The following NELL1 variants were observed in gnomAD, a reference collection of about 807,000 sequenced individuals.
NELL1 encodes neural EGFL like 1.
A neutral mutation model predicts 107.4 loss-of-function variants in NELL1; 76 were observed. The ratio of observed to expected loss-of-function variants is 0.71; its 90% CI spans 0.59 to 0.86. The LOEUF is 0.86. Ranked by LOEUF, NELL1 falls within the 40% of genes least tolerant of loss-of-function variation. The probability of loss-of-function intolerance (pLI) is 0.00; values close to 1 mark genes in which losing one functional copy is unlikely to be tolerated. For missense variants in NELL1, 1,024 were observed against 1,005.5 expected (o/e 1.02, Z -0.25); for synonymous variants, 353 against 341.2 (o/e 1.03, Z -0.38).
At chr11:21,430,101 A>T (rs1023424077) in intron 15 of NELL1, among the ~76,000 whole-genome samples, 3 of 152,172 alleles carry the variant, frequency 2.0e-5, no homozygotes, top group African/African-American at 7.2e-5. Context: ...AATAATGTGA[A>T]TCCATAAGCA....
rs35632941 is a variant in NELL1, at chr11:21,282,478, C to CAAA, written c.1549+53042_1549+53044dup. Among the ~76,000 whole-genome samples the CAAA allele has an allele frequency of 9.4e-5, 7 of 74,416 alleles. No individual in the cohort carries two copies. The East Asian group carries it at 1.3e-3, about 14-fold the overall frequency. 48.8% of individuals were successfully genotyped at this position (74,416 alleles called of 152,430 possible). ...GGGGCAACACAGTGAGACTCTGTCTCAAAAAAAAAAAAAAAAAAAAGGCTT... is the reference window on the plus strand; with the variant it reads ...GGGGCAACACAGTGAGACTCTGTCTCAAAAAAAAAAAAAAAAAAAAAAAGGCTT... On this transcript the variant is annotated intron_variant, in intron 14 of 19. Transcript: ENST00000357134.
At chr11:21,567,019 T>C (rs1355682129) in intron 17 of NELL1, among the ~76,000 whole-genome samples, 2 of 151,822 alleles carry the variant, frequency 1.3e-5, no homozygotes, top group Non-Finnish European at 1.5e-5. Context: ...AATCAGCACA[T>C]AGGAAGAAAA....
At chr11:20,915,328 T>G (rs984999730) in intron 5 of NELL1, among the ~76,000 whole-genome samples, 3 of 151,862 alleles carry the variant, frequency 2.0e-5, no homozygotes, top group African/African-American at 7.2e-5. Flanking sequence ...TTCATCAGAA[T>G]CATCTGGAAG....
intron 12 of NELL1, among the ~76,000 whole-genome samples, chr11:21,063,376 A>G (rs1465762985): frequency 6.6e-6 from 1 of 152,082 alleles, no homozygotes; most frequent in African/African-American, 2.4e-5. Flanking sequence ...GGTTGATTGA[A>G]TCACTGACCA....
intron 2 of NELL1, among the ~76,000 whole-genome samples, chr11:20,761,360 C>A (rs1856416355): frequency 6.6e-6 from 1 of 152,186 alleles, no homozygotes. Flanking sequence ...GGAGCACCTG[C>A]ACTACCTGGG....
chr11:21,059,447 C>A (rs1166414145), intron 12 of NELL1, among the ~76,000 whole-genome samples: 1 of 151,964 alleles, frequency 6.6e-6, no homozygotes, highest in Non-Finnish European at 1.5e-5. Context: ...ACCCTTACTC[C>A]CCAAGAAGAA....
chr11:21,470,159 T>C (rs888754690), intron 15 of NELL1, among the ~76,000 whole-genome samples: 2 of 152,078 alleles, frequency 1.3e-5, no homozygotes, highest in Admixed American at 1.3e-4. Context: ...GAGGTAAAGA[T>C]ATATGCAGAA....
intron 2 of NELL1, among the ~76,000 whole-genome samples, chr11:20,754,330 T>C (rs763886144): frequency 1.3e-5 from 2 of 152,226 alleles, no homozygotes; most frequent in East Asian, 1.9e-4. Flanking sequence ...GGCAGATTTA[T>C]AGTTTACTGA....
intron 13 of NELL1, among the ~76,000 whole-genome samples, chr11:21,214,226 AG>A (rs1291177434): frequency 6.6e-6 from 1 of 152,194 alleles, no homozygotes; most frequent in African/African-American, 2.4e-5. Flanking sequence ...GAAATGCTCC[AG>A]GGAGCATACT....
chr11:21,314,816 T>C (rs113556645), intron 14 of NELL1, among the ~76,000 whole-genome samples: 178 of 152,200 alleles, frequency 1.2e-3, no homozygotes, highest in African/African-American at 3.9e-3. Context: ...GATTATTGGC[T>C]GATGGCTCGA....
intron 14 of NELL1, among the ~76,000 whole-genome samples, chr11:21,289,916 G>A (rs1226430617): frequency 6.6e-6 from 1 of 152,062 alleles, no homozygotes; most frequent in Non-Finnish European, 1.5e-5. Context: ...GCTCCGAAAA[G>A]CCACTTAGCC....
At chr11:20,819,271 G>T (rs921800993) in intron 3 of NELL1, among the ~76,000 whole-genome samples, 3 of 152,166 alleles carry the variant, frequency 2.0e-5, no homozygotes, top group African/African-American at 7.2e-5. Context: ...CAGAGTCTTG[G>T]ACCCCTGAAC....
intron 5 of NELL1, 86 bp downstream of exon 5, chr11:20,885,626 T>C (rs1409575064): frequency 1.2e-6 from 1 of 836,330 alleles, no homozygotes; most frequent in African/African-American, 1.7e-5. Flanking sequence ...TGTTTATAAT[T>C]ACATTAGTGG....
chr11:20,681,097 TA>T (rs1565304360), intron 2 of NELL1, among the ~76,000 whole-genome samples: 1 of 152,120 alleles, frequency 6.6e-6, no homozygotes, highest in Non-Finnish European at 1.5e-5. Context: ...AAAAGTTGTT[TA>T]ACCACAACGT....
intron 3 of NELL1, among the ~76,000 whole-genome samples, chr11:20,826,238 A>T (rs1219092946): frequency 6.6e-6 from 1 of 151,294 alleles, no homozygotes; most frequent in Admixed American, 6.6e-5. Flanking sequence ...AGTTTATGTG[A>T]CAACTTTACA....
At chr11:20,795,744 T>C (rs926772626) in intron 3 of NELL1, among the ~76,000 whole-genome samples, 34 of 152,180 alleles carry the variant, frequency 2.2e-4, no homozygotes, top group African/African-American at 6.8e-4. Flanking sequence ...TCTGAGGAGA[T>C]GAAGAAGACA....
At chr11:20,670,739 G>C (rs76566233) in intron 1 of NELL1, 4,136 of 152,384 alleles carry the variant, frequency 0.027, 184 homozygotes, top group African/African-American at 0.093. Context: ...CTGTCAACTG[G>C]GGGGAGTGTC....
chr11:21,476,758 G>C (rs1242610838), intron 15 of NELL1, among the ~76,000 whole-genome samples: 1 of 152,078 alleles, frequency 6.6e-6, no homozygotes, highest in Non-Finnish European at 1.5e-5. Flanking sequence ...AGGTGGTAGC[G>C]GCATAGTGCA....
chr11:21,192,061 T>C (rs2133836913), intron 13 of NELL1, among the ~76,000 whole-genome samples: 1 of 152,034 alleles, frequency 6.6e-6, no homozygotes, highest in South Asian at 2.1e-4. Flanking sequence ...AAGTTCTTTC[T>C]TTTAAGATAT....
Sources: allele counts gnomAD v4.1 joint callset (sites outside exome capture counted in the v4.1 genomes callset), GRCh38; gene constraint gnomAD v4.1.1; transcripts MANE v1.5; gene names NCBI Gene and HGNC (gene_info 2026-07-23, HGNC 2026-07-21).